The following CTNNA3 variants were observed in gnomAD, a reference collection of about 807,000 sequenced individuals.
The protein encoded by CTNNA3 is catenin alpha 3.
A neutral mutation model predicts 95.7 loss-of-function variants in CTNNA3; 76 were observed. The ratio of observed to expected loss-of-function variants is 0.79; its 90% CI spans 0.66 to 0.96. The LOEUF is 0.96. CTNNA3 is among the 40% of genes least tolerant of loss of function. The pLI is 0.00. For missense variants in CTNNA3, 1,191 were observed against 1,089.8 expected, an observed-to-expected ratio of 1.09 and a Z score of -1.31; for synonymous variants, 431 against 374.4, an observed-to-expected ratio of 1.15 and a Z score of -1.74.
intron 7 of CTNNA3, among the ~76,000 whole-genome samples, chr10:66,948,978 AT>A (rs1564788191): frequency 6.6e-6 from 1 of 152,090 alleles, no homozygotes; most frequent in African/African-American, 2.4e-5. Context: ...TAATTGTGTT[AT>A]TTTTTTCTTT....
chr10:67,337,019 T>C (rs1285579910), intron 5 of CTNNA3, among the ~76,000 whole-genome samples: 2 of 152,312 alleles, frequency 1.3e-5, no homozygotes, highest in Admixed American at 1.3e-4. Context: ...ATCCATTCTG[T>C]AGCCCATGGA....
chr10:67,116,723 T>A (rs113621628), intron 7 of CTNNA3, among the ~76,000 whole-genome samples: 363 of 24,198 alleles, frequency 0.015, 1 homozygote, highest in African/African-American at 0.11. Flanking sequence ...GTTTTGAAAA[T>A]ATATATATAT....
intron 10 of CTNNA3, among the ~76,000 whole-genome samples, chr10:66,598,005 G>A (rs531435214): frequency 8.6e-5 from 13 of 151,990 alleles, no homozygotes; most frequent in Admixed American, 2.0e-4. Context: ...CCTGATAAAT[G>A]TAGATGCAAA....
At chr10:66,356,570 A>AT (rs138994360) in intron 12 of CTNNA3, among the ~76,000 whole-genome samples, 6,529 of 151,752 alleles carry the variant, frequency 0.043, 436 homozygotes, top group African/African-American at 0.15. Context: ...GAAAAATTTT[A>AT]TTTTTTCTTT....
chr10:66,688,048 T>C (rs1345809377), intron 9 of CTNNA3, among the ~76,000 whole-genome samples: 1 of 152,014 alleles, frequency 6.6e-6, no homozygotes, highest in Non-Finnish European at 1.5e-5. Flanking sequence ...AAATAAAAAA[T>C]ATATGGTAGA....
chr10:65,943,638 G>C (rs1003254859), intron 17 of CTNNA3, among the ~76,000 whole-genome samples: 33 of 152,154 alleles, frequency 2.2e-4, no homozygotes, highest in Admixed American at 2.1e-3. Context: ...AACCCTGAAG[G>C]GTTCAGCCAC....
intron 11 of CTNNA3, among the ~76,000 whole-genome samples, chr10:66,468,025 C>T (rs368892980): frequency 6.6e-6 from 1 of 151,964 alleles, no homozygotes; most frequent in East Asian, 1.9e-4. Context: ...TTATTTGTTA[C>T]TAGACATTAA....
chr10:67,079,780 G>A (rs753485193), intron 7 of CTNNA3, among the ~76,000 whole-genome samples: 4 of 151,698 alleles, frequency 2.6e-5, no homozygotes, highest in Non-Finnish European at 4.4e-5. Context: ...CCCGGGAGGC[G>A]GATGTTGCAG....
At chr10:66,565,322 G>A (rs1564536445) in intron 10 of CTNNA3, among the ~76,000 whole-genome samples, 2 of 151,190 alleles carry the variant, frequency 1.3e-5, no homozygotes, top group African/African-American at 4.8e-5. Flanking sequence ...GATGGAGAGA[G>A]AAATAAGTAA....
At chr10:66,119,699 T>C (rs1164775670) in intron 13 of CTNNA3, among the ~76,000 whole-genome samples, 1 of 152,132 alleles carries the variant, frequency 6.6e-6, no homozygotes, top group Non-Finnish European at 1.5e-5. Context: ...AAAGACAGGA[T>C]AATTAGGTTC....
At chr10:66,825,791 T>G (rs912428210) in intron 7 of CTNNA3, among the ~76,000 whole-genome samples, 1 of 152,050 alleles carries the variant, frequency 6.6e-6, no homozygotes, top group Non-Finnish European at 1.5e-5. Flanking sequence ...GAGCCCTCAT[T>G]TCTGGCTTCG....
intron 7 of CTNNA3, chr10:66,926,201 GC>G (rs1280854807): frequency 2.2e-5 from 10 of 448,942 alleles, no homozygotes; most frequent in Non-Finnish European, 4.0e-5. Flanking sequence ...AGCTCAGGTA[GC>G]CCCAAATTGC....
chr10:67,475,423 C>T lies in CTNNA3; in HGVS notation c.579+46419G>A, dbSNP rs191766093. On this transcript the variant is annotated intron_variant, in intron 5 of 17. Transcript: ENST00000433211. ...ATTTTGCTGTATGCAAATTATACCTCAAAAAAATCTGTCATAAAAAAATTC... is the reference window on the plus strand; with the variant it reads ...ATTTTGCTGTATGCAAATTATACCTTAAAAAAATCTGTCATAAAAAAATTC... 8.8e-4 allele frequency among the ~76,000 whole-genome samples: 134 copies of T among 152,156 alleles called. 1 individual carries two copies. The highest frequency in any genetic ancestry group is 3.1e-3 in the African/African-American group (129 of 41,504).
chr10:66,247,961 G>A (rs1004631109), intron 13 of CTNNA3, among the ~76,000 whole-genome samples: 4 of 152,042 alleles, frequency 2.6e-5, no homozygotes, highest in Non-Finnish European at 4.4e-5. Flanking sequence ...TTATAACACT[G>A]TAATTTGAGG....
chr10:67,062,270 T>C (rs1564864331), intron 7 of CTNNA3, among the ~76,000 whole-genome samples: 2 of 152,210 alleles, frequency 1.3e-5, no homozygotes, highest in African/African-American at 2.4e-5. Flanking sequence ...ATATTCTTTA[T>C]TGTAACTTAT....
chr10:66,405,895 C>G (rs2093053461), intron 11 of CTNNA3, among the ~76,000 whole-genome samples: 1 of 152,176 alleles, frequency 6.6e-6, no homozygotes, highest in Non-Finnish European at 1.5e-5. Flanking sequence ...ACATCTTTTC[C>G]TTTCAGCCAT....
At chr10:66,365,773 TC>T (rs1450027891) in intron 12 of CTNNA3, among the ~76,000 whole-genome samples, 8 of 126,904 alleles carry the variant, frequency 6.3e-5, no homozygotes, top group Non-Finnish European at 9.5e-5. Context: ...TCTCTCTCTC[TC>T]TCTCTCTCAT....
At chr10:67,007,108 A>C (rs1852039880) in intron 7 of CTNNA3, among the ~76,000 whole-genome samples, 2 of 152,056 alleles carry the variant, frequency 1.3e-5, no homozygotes, top group Non-Finnish European at 2.9e-5. Context: ...CAGTCTTAAA[A>C]ATTATGTATT....
intron 7 of CTNNA3, among the ~76,000 whole-genome samples, chr10:66,816,601 T>C (rs1283998343): frequency 6.6e-6 from 1 of 152,020 alleles, no homozygotes; most frequent in Non-Finnish European, 1.5e-5. Flanking sequence ...ACCTCATGTC[T>C]AATAAATAAT....
Sources: gnomAD v4.1 joint callset for allele counts (sites outside exome capture counted in the v4.1 genomes callset) on GRCh38, gnomAD v4.1.1 for gene constraint, MANE v1.5 for transcripts, NCBI Gene and HGNC (gene_info 2026-07-23, HGNC 2026-07-21) for gene names.